Variants in LRP1B observed in about 807,000 individuals in gnomAD.
The protein encoded by LRP1B is LDL receptor related protein 1B.
Under a neutral mutation model 556.6 loss-of-function variants are expected in LRP1B, and 217 were observed. The observed-to-expected ratio is 0.39, with a 90% CI of 0.35 to 0.44. LRP1B has a LOEUF of 0.44. Among genes scored for constraint, LRP1B ranks in the 20% least tolerant of loss-of-function variants. The pLI is 1.00. For missense variants in LRP1B, 5,053 were observed against 5,620.8 expected (o/e 0.90, Z 3.23); for synonymous variants, 2,047 against 1,865.8 (o/e 1.10, Z -2.50).
chr2:141,778,797 T>C (rs1338295624), intron 2 of LRP1B, among the ~76,000 whole-genome samples: 3 of 152,186 alleles, frequency 2.0e-5, no homozygotes, highest in African/African-American at 7.2e-5. Context: ...CCTTGCAGCA[T>C]AGAAAAGCAA....
intron 2 of LRP1B, among the ~76,000 whole-genome samples, chr2:141,513,187 A>C (rs901064334): frequency 6.6e-6 from 1 of 152,156 alleles, no homozygotes; most frequent in Non-Finnish European, 1.5e-5. Flanking sequence ...TATAAATTTT[A>C]AAAACCAAAG....
intron 1 of LRP1B, among the ~76,000 whole-genome samples, chr2:141,861,319 G>T (rs1398149478): frequency 6.6e-6 from 1 of 152,028 alleles, no homozygotes; most frequent in Non-Finnish European, 1.5e-5. Context: ...AAATCTATTA[G>T]GACCCTACAT....
chr2:141,484,305 C>A (rs1683034290), intron 2 of LRP1B, among the ~76,000 whole-genome samples: 1 of 149,254 alleles, frequency 6.7e-6, no homozygotes, highest in Non-Finnish European at 1.5e-5. Context: ...GGGCTCTGTT[C>A]TGTTCCATTG....
chr2:141,752,406 A>G (rs919975946), intron 2 of LRP1B, among the ~76,000 whole-genome samples: 2 of 152,144 alleles, frequency 1.3e-5, no homozygotes, highest in African/African-American at 4.8e-5. Flanking sequence ...TCCTCCTAAG[A>G]ATTACACATC....
At chr2:140,694,005 G>A (rs1199601722) in intron 41 of LRP1B, among the ~76,000 whole-genome samples, 2 of 152,132 alleles carry the variant, frequency 1.3e-5, no homozygotes, top group South Asian at 2.1e-4. Context: ...ACCGCTCCAG[G>A]CCTAATCACA....
chr2:141,428,696 G>C (rs1680459658), intron 3 of LRP1B, among the ~76,000 whole-genome samples: 2 of 152,108 alleles, frequency 1.3e-5, no homozygotes, highest in Admixed American at 1.3e-4. Context: ...CAAAACCATT[G>C]ATGTGACACT....
At chr2:140,912,865 C>A (rs1455263841) in intron 21 of LRP1B, among the ~76,000 whole-genome samples, 1 of 151,784 alleles carries the variant, frequency 6.6e-6, no homozygotes, top group Non-Finnish European at 1.5e-5. Flanking sequence ...TTGATACAAT[C>A]TCTTCTAGAG....
intron 32 of LRP1B, among the ~76,000 whole-genome samples, chr2:140,802,364 G>T (rs917467057): frequency 1.3e-5 from 2 of 152,132 alleles, no homozygotes; most frequent in East Asian, 3.9e-4. Context: ...CATTTATATT[G>T]ATGAAAAATC....
rs569304473 is a variant in LRP1B, at chr2:141,454,895, A to C, written c.343+25501T>G. On this transcript the variant is annotated intron_variant, in intron 3 of 90. Coordinates refer to ENST00000389484, the MANE Select transcript of LRP1B (RefSeq NM_018557.3). ...TTACTGAGGAATACTCTCCAAGACG[A>C]AGAGAGCTAGGAAAATTCTCTTCTG... Among the ~76,000 whole-genome samples, 5 of 152,312 alleles carry C rather than the reference A, an allele frequency of 3.3e-5. No individual in the cohort carries two copies. The South Asian group carries it at 8.3e-4, about 25-fold the overall frequency.
At chr2:140,773,088 C>CAACAAACAAACA (rs201778171) in intron 33 of LRP1B, among the ~76,000 whole-genome samples, 4 of 151,738 alleles carry the variant, frequency 2.6e-5, no homozygotes, top group African/African-American at 9.7e-5. Context: ...GAGACTGTCT[C>CAACAAACAAACA]AACAAACAAA....
At chr2:141,244,395 G>T (rs1385091471) in intron 5 of LRP1B, among the ~76,000 whole-genome samples, 2 of 152,126 alleles carry the variant, frequency 1.3e-5, no homozygotes, top group Non-Finnish European at 1.5e-5. Flanking sequence ...GAGAGCCCTG[G>T]AACTCTGGCT....
chr2:141,679,518 G>C (rs1463497717), intron 2 of LRP1B, among the ~76,000 whole-genome samples: 1 of 152,060 alleles, frequency 6.6e-6, no homozygotes, highest in African/African-American at 2.4e-5. Flanking sequence ...AGTTTAAATT[G>C]GTTTAACTTC....
At chr2:141,588,057 T>C (rs920271149) in intron 2 of LRP1B, among the ~76,000 whole-genome samples, 1 of 152,190 alleles carries the variant, frequency 6.6e-6, no homozygotes, top group African/African-American at 2.4e-5. Flanking sequence ...TGGGCTTATC[T>C]TGGAGTTTTG....
At chr2:141,728,281 A>C (rs1249055581) in intron 2 of LRP1B, among the ~76,000 whole-genome samples, 2 of 152,114 alleles carry the variant, frequency 1.3e-5, no homozygotes, top group African/African-American at 4.8e-5. Context: ...TATGAGGCGT[A>C]GCTGACATAA....
At chr2:140,849,794 C>T (rs1055608181) in intron 29 of LRP1B, among the ~76,000 whole-genome samples, 7 of 152,140 alleles carry the variant, frequency 4.6e-5, no homozygotes, top group African/African-American at 1.4e-4. Flanking sequence ...CCCGCCTCGG[C>T]CTCCCAAAGT....
At chr2:140,433,685 T>G (rs1686050278) in intron 66 of LRP1B, among the ~76,000 whole-genome samples, 1 of 151,774 alleles carries the variant, frequency 6.6e-6, no homozygotes, top group Non-Finnish European at 1.5e-5. Context: ...AAATATAAAT[T>G]ATAAGTTTAA....
intron 35 of LRP1B, among the ~76,000 whole-genome samples, chr2:140,734,966 G>T (rs913915626): frequency 3.3e-5 from 5 of 152,074 alleles, no homozygotes; most frequent in African/African-American, 1.2e-4. Flanking sequence ...TTCTCTCACA[G>T]GTGTATTTCT....
chr2:140,286,881 ACTTTT>A (rs1683173625), intron 84 of LRP1B, among the ~76,000 whole-genome samples: 1 of 151,812 alleles, frequency 6.6e-6, no homozygotes, highest in African/African-American at 2.4e-5. Context: ...TTTACAGAAG[ACTTTT>A]CTTATAGATT....
chr2:141,788,188 T>C (rs1290658928), intron 2 of LRP1B, among the ~76,000 whole-genome samples: 2 of 152,050 alleles, frequency 1.3e-5, no homozygotes, highest in Non-Finnish European at 2.9e-5. Context: ...TAGTAGCTTT[T>C]TGTTGCTTGC....
Sources: allele counts gnomAD v4.1 joint callset (sites outside exome capture counted in the v4.1 genomes callset), GRCh38; gene constraint gnomAD v4.1.1; transcripts MANE v1.5; gene names NCBI Gene and HGNC (gene_info 2026-07-23, HGNC 2026-07-21).